The following LAMA1 variants were observed in gnomAD, a reference collection of about 807,000 sequenced individuals.
LAMA1 encodes the protein laminin subunit alpha 1, also known as laminin subunit alpha-1.
In LAMA1, 219 loss-of-function variants were observed where a neutral mutation model predicts 348.7. The ratio of observed to expected loss-of-function variants is 0.63; its 90% CI spans 0.56 to 0.70. LAMA1 has a LOEUF of 0.70. Among genes scored for constraint, LAMA1 ranks in the 30% least tolerant of loss-of-function variants. LAMA1 has a pLI of 0.00. For missense variants in LAMA1, 3,744 were observed against 3,888.0 expected (o/e 0.96, Z 0.99); for synonymous variants, 1,487 against 1,491.0 (o/e 1.00, Z 0.06).
Position 7,038,907 on chromosome 18 carries a change from A to G in LAMA1, c.1466T>C (p.Phe489Ser). Residue 489 changes from phenylalanine (F) to serine (S), a missense_variant, in exon 11 of 63, where the codon TTC (phenylalanine) becomes TCC (serine). Transcript: ENST00000389658. ...GKACDRCKPG[F>S]YNLKEKNPRG... ...GGGGTTTTTTTCCTTCAAGTTATAG[A>G]ATCCTGGCTTGCAGCGATCACAGGC... The G allele has an allele frequency of 6.2e-7, 1 of 1,613,982 alleles. No homozygotes were observed. The highest frequency in any genetic ancestry group is 8.5e-7 in the Non-Finnish European group (1 of 1,179,894).
At chr18:7,092,596 G>T (rs2058243771) in intron 1 of LAMA1, among the ~76,000 whole-genome samples, 1 of 142,214 alleles carries the variant, frequency 7.0e-6, no homozygotes, top group Admixed American at 7.5e-5. Flanking sequence ...CTGCACTCCA[G>T]CCTGGCAACA....
At chr18:7,078,772 G>A (rs1015777812) in intron 3 of LAMA1, among the ~76,000 whole-genome samples, 4 of 151,816 alleles carry the variant, frequency 2.6e-5, no homozygotes, top group African/African-American at 9.7e-5. Context: ...GGCGGATCAC[G>A]AGGTCAAGAG....
rs537175243 is a variant in LAMA1 at position 7,098,146 on chromosome 18, C to G, written c.62-17689G>C. ...GATTGCAGACGGAGTCTCCTTCACT[C>G]AGTGCTCAATGGTGCCCAGGCTGGA... On this transcript the variant is annotated intron_variant, in intron 1 of 62. Transcript: ENST00000389658. Among the ~76,000 whole-genome samples, 223 of 151,928 alleles carry G rather than the reference C, an allele frequency of 1.5e-3. 5 individuals carry two copies. In the South Asian group the frequency reaches 0.046, roughly 32 times the overall value.
At chr18:7,024,173 C>G (rs1157048412) in intron 18 of LAMA1, among the ~76,000 whole-genome samples, 1 of 152,058 alleles carries the variant, frequency 6.6e-6, no homozygotes, top group Non-Finnish European at 1.5e-5. Context: ...TCAGATTAGC[C>G]AGGAAAAGAG....
At chr18:6,974,876 C>A in intron 46 of LAMA1, 27 bp downstream of exon 46, 1 of 1,613,784 alleles carries the variant, frequency 6.2e-7, no homozygotes. Flanking sequence ...AAAAAGAGAG[C>A]TGCTTTGAGA....
intron 16 of LAMA1, among the ~76,000 whole-genome samples, chr18:7,029,473 T>G (rs1012923863): frequency 6.6e-6 from 1 of 152,226 alleles, no homozygotes; most frequent in African/African-American, 2.4e-5. Context: ...GGAACATGTC[T>G]ATGGTATGTT....
intron 14 of LAMA1, 143 bp downstream of exon 14, chr18:7,034,336 T>C: frequency 1.4e-6 from 1 of 695,862 alleles, no homozygotes; most frequent in Non-Finnish European, 2.5e-6. Context: ...ATAAACTTAA[T>C]AATTCTTAAG....
intron 15 of LAMA1, 108 bp downstream of exon 15, chr18:7,032,876 G>T: frequency 1.2e-6 from 1 of 809,410 alleles, no homozygotes. Context: ...GCCAAACATT[G>T]GGCTGCTAAA....
At chr18:6,970,741 T>C (rs2057654619) in intron 48 of LAMA1, among the ~76,000 whole-genome samples, 1 of 151,888 alleles carries the variant, frequency 6.6e-6, no homozygotes, top group Admixed American at 6.6e-5. Flanking sequence ...GCCTCCTGAG[T>C]AGCTGGGACT....
chr18:7,063,420 G>T (rs759259294), intron 3 of LAMA1, among the ~76,000 whole-genome samples: 1 of 152,054 alleles, frequency 6.6e-6, no homozygotes, highest in Non-Finnish European at 1.5e-5. Flanking sequence ...AAATGGTGCA[G>T]GTACTATGGA....
intron 56 of LAMA1, 137 bp from the exon 57 acceptor site, chr18:6,955,602 C>T: frequency 1.4e-6 from 1 of 711,436 alleles, no homozygotes; most frequent in Non-Finnish European, 2.6e-6. Flanking sequence ...TGTTGGCGCT[C>T]ACTCCATCTT....
Position 7,033,026 on chromosome 18 carries a change from C to T in LAMA1, c.2121G>A (p.Glu707=), listed in dbSNP as rs1362846237. 1 of 1,612,416 alleles carries T rather than the reference C, an allele frequency of 6.2e-7. No individual in the cohort carries two copies. Among genetic ancestry groups the T allele is most frequent in the Non-Finnish European group, 8.5e-7 (1 of 1,179,300 alleles). The stretch of plus-strand genomic sequence containing the variant: ...TGTAGCCTTGCGGACATTCACAGTG[C>T]TCCACATCAGCGGCCACCACCAGGT... ...AIDLVVAADV[E]HCECPQGYTG... is the part of the protein sequence containing the mutation. The change falls in exon 15 of 63, where the codon GAG becomes GAA. Residue 707 remains glutamate (E), a synonymous_variant. Coordinates refer to ENST00000389658, the MANE Select transcript of LAMA1 (RefSeq NM_005559.4).
At chr18:7,070,773 C>A (rs1399979502) in intron 3 of LAMA1, among the ~76,000 whole-genome samples, 1 of 152,096 alleles carries the variant, frequency 6.6e-6, no homozygotes, top group African/African-American at 2.4e-5. Flanking sequence ...CAAAACAGAT[C>A]TTATCTTCTA....
intron 44 of LAMA1, 126 bp downstream of exon 44, chr18:6,977,601 A>G: frequency 9.6e-7 from 1 of 1,044,742 alleles, no homozygotes; most frequent in Non-Finnish European, 1.4e-6. Context: ...AGCCCAGATT[A>G]TTGGGATCTG....
chr18:7,060,103 G>A (rs758226690), intron 3 of LAMA1, among the ~76,000 whole-genome samples: 4 of 152,210 alleles, frequency 2.6e-5, no homozygotes, highest in African/African-American at 4.8e-5. Flanking sequence ...AGCACGTGAA[G>A]TGGCAACAAA....
intron 33 of LAMA1, among the ~76,000 whole-genome samples, chr18:6,997,204 C>A (rs2057785503): frequency 6.6e-6 from 1 of 152,112 alleles, no homozygotes; most frequent in South Asian, 2.1e-4. Context: ...GCTGGGACTA[C>A]AGGCACGCGC....
chr18:7,117,128 A>G (rs2143846797), intron 1 of LAMA1, among the ~76,000 whole-genome samples: 1 of 152,190 alleles, frequency 6.6e-6, no homozygotes, highest in African/African-American at 2.4e-5. Flanking sequence ...TCTCCCCACT[A>G]GCCCGCTTGG....
At chr18:6,956,320 T>C (rs1398966306) in intron 56 of LAMA1, 1 of 468,874 alleles carries the variant, frequency 2.1e-6, no homozygotes, top group Non-Finnish European at 4.0e-6. Context: ...GAAGTACTTA[T>C]TTTCATGCTT....
At chr18:7,074,597 A>G (rs1215833604) in intron 3 of LAMA1, among the ~76,000 whole-genome samples, 1 of 152,164 alleles carries the variant, frequency 6.6e-6, no homozygotes, top group African/African-American at 2.4e-5. Flanking sequence ...GGTGAGCAGC[A>G]TTTTATTAAT....
Sources: gnomAD v4.1 joint callset for allele counts (sites outside exome capture counted in the v4.1 genomes callset) on GRCh38, gnomAD v4.1.1 for gene constraint, MANE v1.5 for transcripts, NCBI Gene and HGNC (gene_info 2026-07-23, HGNC 2026-07-21) for gene names.